Variants in PGM5 observed in about 807,000 individuals in gnomAD.
The protein encoded by PGM5 is phosphoglucomutase 5.
Under a neutral mutation model 59.2 loss-of-function variants are expected in PGM5, and 23 were observed. The ratio of observed to expected loss-of-function variants is 0.39; its 90% confidence interval spans 0.28 to 0.55. The LOEUF (loss-of-function observed/expected upper bound fraction) is 0.55, where lower values mean the gene tolerates loss of function less well. Ranked by LOEUF, PGM5 falls within the 20% of genes least tolerant of loss-of-function variation. The probability of loss-of-function intolerance (pLI) is 0.66; values close to 1 mark genes in which losing one functional copy is unlikely to be tolerated. For synonymous variants in PGM5, 214 were observed against 286.0 expected (o/e 0.75, Z 2.54); for missense variants, 574 against 748.3 (o/e 0.77, Z 2.72).
chr9:68,393,351 TAC>T (rs1822414339), intron 6 of PGM5, among the ~76,000 whole-genome samples: 1 of 150,598 alleles, frequency 6.6e-6, no homozygotes, highest in Admixed American at 6.7e-5. Context: ...ATAATATATA[TAC>T]ATATATAATT....
chr9:68,449,469 TC>T (rs1430274112), intron 6 of PGM5, among the ~76,000 whole-genome samples: 1 of 152,214 alleles, frequency 6.6e-6, no homozygotes, highest in Non-Finnish European at 1.5e-5. Flanking sequence ...GAGATTCTTT[TC>T]CTCAAGGTGA....
chr9:68,409,872 TA>T (rs200990186), intron 6 of PGM5, among the ~76,000 whole-genome samples: 79,512 of 137,398 alleles, frequency 0.58, 23,440 homozygotes, highest in East Asian at 0.74. Flanking sequence ...ACTTAAAGTA[TA>T]AAAAAAAAAA....
intron 9 of PGM5, chr9:68,498,273 A>T (rs1554688347): frequency 1.3e-5 from 2 of 152,150 alleles, no homozygotes; most frequent in Non-Finnish European, 2.9e-5. Context: ...CCATGGCAAT[A>T]TAAATTGATA....
At position 68,376,813 on chromosome 9, in the gene PGM5, C is replaced by G. The variant is rs111689027; in HGVS notation, c.262-1386C>G. The stretch of plus-strand genomic sequence containing the variant: ...TCTTTCTTTCTTTCTTTCTTTCTTT[C>G]TTTCTTTCTTTCTTTCTTTCTCTTT... On this transcript the variant is annotated intron_variant, in intron 1 of 10. Transcript: ENST00000396396. Among the ~76,000 whole-genome samples, 36 of 107,820 alleles carry G rather than the reference C, an allele frequency of 3.3e-4. 1 individual carries two copies. Among genetic ancestry groups the G allele is most frequent in the African/African-American group, 1.4e-3 (34 of 24,818 alleles). The allele number at this position is 107,820 out of a possible 152,430, so 70.7% of individuals were successfully genotyped here.
intron 2 of PGM5, among the ~76,000 whole-genome samples, chr9:68,378,757 T>C (rs1428836358): frequency 3.9e-5 from 6 of 152,158 alleles, no homozygotes; most frequent in African/African-American, 1.4e-4. Context: ...AGATTAATGA[T>C]TTTTAGCCCA....
intron 1 of PGM5, among the ~76,000 whole-genome samples, chr9:68,370,895 G>A (rs1490744860): frequency 2.5e-4 from 38 of 152,224 alleles, no homozygotes; most frequent in Non-Finnish European, 4.0e-4. Flanking sequence ...GCATTTAGAA[G>A]TCATGGCTAG....
chr9:68,495,629 A>C (rs998183551), intron 9 of PGM5, among the ~76,000 whole-genome samples: 3 of 152,206 alleles, frequency 2.0e-5, no homozygotes, highest in Non-Finnish European at 2.9e-5. Context: ...ACTAAAGTGC[A>C]ATTTAATAAA....
At chr9:68,486,125 A>T (rs542117853) in intron 9 of PGM5, among the ~76,000 whole-genome samples, 8 of 152,312 alleles carry the variant, frequency 5.3e-5, no homozygotes, top group Admixed American at 1.3e-4. Context: ...TGAAAGACAT[A>T]TTTGAATTTA....
At chr9:68,473,897 A>G (rs1031156313) in intron 7 of PGM5, among the ~76,000 whole-genome samples, 1 of 152,014 alleles carries the variant, frequency 6.6e-6, no homozygotes, top group Non-Finnish European at 1.5e-5. Context: ...CCCCCATGTG[A>G]GCAAGGCCAG....
At chr9:68,497,376 C>G (rs1554688244) in intron 9 of PGM5, 2 of 152,160 alleles carry the variant, frequency 1.3e-5, no homozygotes, top group Non-Finnish European at 2.9e-5. Context: ...TCTGCAAAGC[C>G]AGTATTACAG....
intron 6 of PGM5, among the ~76,000 whole-genome samples, chr9:68,415,180 A>C (rs1823002920): frequency 6.7e-6 from 1 of 148,938 alleles, no homozygotes; most frequent in African/African-American, 2.6e-5. Context: ...AAGGCCTACC[A>C]CTGTCCGGTG....
chr9:68,486,381 A>G (rs1204755202), intron 9 of PGM5, among the ~76,000 whole-genome samples: 4 of 152,162 alleles, frequency 2.6e-5, no homozygotes, highest in Non-Finnish European at 5.9e-5. Context: ...AATTCAGAAC[A>G]CTTTCATCAC....
chr9:68,509,669 CTTTT>C (rs782484101), intron 10 of PGM5, among the ~76,000 whole-genome samples: 1 of 149,006 alleles, frequency 6.7e-6, no homozygotes, highest in Non-Finnish European at 1.5e-5. Context: ...TGGGTGAAGC[CTTTT>C]TGGAGATTCT....
At chr9:68,493,185 C>A (rs1156426493) in intron 9 of PGM5, among the ~76,000 whole-genome samples, 1 of 152,134 alleles carries the variant, frequency 6.6e-6, no homozygotes, top group Non-Finnish European at 1.5e-5. Context: ...ACAACATGTC[C>A]TACAGTCTCC....
At chr9:68,421,011 C>T (rs1391776327) in intron 6 of PGM5, among the ~76,000 whole-genome samples, 2 of 152,136 alleles carry the variant, frequency 1.3e-5, no homozygotes, top group Admixed American at 1.3e-4. Context: ...GGTTTCTTAT[C>T]TGAAAGGAAA....
intron 6 of PGM5, among the ~76,000 whole-genome samples, chr9:68,436,403 T>C (rs578225705): frequency 2.0e-5 from 3 of 152,260 alleles, no homozygotes; most frequent in South Asian, 4.1e-4. Flanking sequence ...GTGGAAGTTA[T>C]ACACAACCAG....
At chr9:68,468,051 TCAGGTGCA>T (rs1479783782) in intron 7 of PGM5, among the ~76,000 whole-genome samples, 6 of 151,508 alleles carry the variant, frequency 4.0e-5, no homozygotes, top group African/African-American at 1.5e-4. Flanking sequence ...CTTTCTTGGC[TCAGGTGCA>T]CATGTGAATG....
intron 6 of PGM5, among the ~76,000 whole-genome samples, chr9:68,418,238 C>T (rs1240145232): frequency 6.6e-6 from 1 of 152,144 alleles, no homozygotes; most frequent in South Asian, 2.1e-4. Flanking sequence ...AAAAGTGTCC[C>T]ATTTCACTGG....
intron 6 of PGM5, among the ~76,000 whole-genome samples, chr9:68,452,454 G>A (rs1823711753): frequency 6.6e-6 from 1 of 152,160 alleles, no homozygotes; most frequent in African/African-American, 2.4e-5. Context: ...TGCTTCTCCA[G>A]TTGATCTCAG....
Sources: allele counts gnomAD v4.1 joint callset (sites outside exome capture counted in the v4.1 genomes callset), GRCh38; gene constraint gnomAD v4.1.1; transcripts MANE v1.5; gene names NCBI Gene and HGNC (gene_info 2026-07-23, HGNC 2026-07-21).